The following CNTNAP4 variants were observed in gnomAD, a reference collection of about 807,000 sequenced individuals.
The protein encoded by CNTNAP4 is contactin-associated protein-like 4.
In CNTNAP4, 98 loss-of-function variants were observed where a neutral mutation model predicts 148.4. That is an observed-to-expected ratio of 0.66 (90% confidence interval 0.56 to 0.78). The LOEUF (loss-of-function observed/expected upper bound fraction) is 0.78. Ranked by LOEUF, CNTNAP4 falls within the 30% of genes least tolerant of loss-of-function variation. The pLI, the probability that CNTNAP4 is intolerant of heterozygous loss-of-function variation, is 0.00. For missense variants in CNTNAP4, 1,935 were observed against 1,565.6 expected (o/e 1.24, Z -3.98); for synonymous variants, 730 against 565.1 (o/e 1.29, Z -4.14).
intron 1 of CNTNAP4, among the ~76,000 whole-genome samples, chr16:76,313,363 C>G (rs949542602): frequency 6.6e-6 from 1 of 152,156 alleles, no homozygotes; most frequent in Non-Finnish European, 1.5e-5. Flanking sequence ...ATTCCTAGTT[C>G]TAGTAAACAC....
At chr16:76,494,367 A>G (rs983547544) in intron 13 of CNTNAP4, among the ~76,000 whole-genome samples, 3 of 152,304 alleles carry the variant, frequency 2.0e-5, no homozygotes, top group African/African-American at 7.2e-5. Context: ...TAAAATATAT[A>G]CTTCCAAATA....
At chr16:76,421,202 G>T (rs1238687402) in intron 3 of CNTNAP4, among the ~76,000 whole-genome samples, 2 of 151,680 alleles carry the variant, frequency 1.3e-5, no homozygotes, top group African/African-American at 4.8e-5. Flanking sequence ...TTGCACAAGG[G>T]GTCTCATCAA....
At chr16:76,504,839 A>G (rs2082783213) in intron 15 of CNTNAP4, among the ~76,000 whole-genome samples, 1 of 152,214 alleles carries the variant, frequency 6.6e-6, no homozygotes, top group Non-Finnish European at 1.5e-5. Context: ...ATGGATTTAA[A>G]TAAACACAGT....
intron 12 of CNTNAP4, among the ~76,000 whole-genome samples, chr16:76,488,442 G>A (rs1055432850): frequency 1.3e-5 from 2 of 152,168 alleles, no homozygotes; most frequent in Non-Finnish European, 2.9e-5. Flanking sequence ...ATAATTCTGT[G>A]AAGTTGGTCC....
At chr16:76,417,939 G>C (rs1223814200) in intron 3 of CNTNAP4, among the ~76,000 whole-genome samples, 1 of 151,512 alleles carries the variant, frequency 6.6e-6, no homozygotes, top group Middle Eastern at 3.2e-3. Flanking sequence ...TTGCTTGCTT[G>C]TTTTCTGATG....
At chr16:76,525,224 C>T (rs186009353) in intron 17 of CNTNAP4, among the ~76,000 whole-genome samples, 73 of 151,708 alleles carry the variant, frequency 4.8e-4, no homozygotes, top group African/African-American at 1.7e-3. Context: ...TAGGCAGACT[C>T]AGTGAAAGAC....
intron 15 of CNTNAP4, among the ~76,000 whole-genome samples, chr16:76,510,519 A>C (rs1265646593): frequency 6.6e-6 from 1 of 151,388 alleles, no homozygotes; most frequent in Non-Finnish European, 1.5e-5. Flanking sequence ...TGTACCTAGG[A>C]GTAGAATTTC....
rs751673315 is a variant in CNTNAP4 at position 76,535,546 on chromosome 16, T to G, written c.2757T>G (p.Gly919=). Residue 919 remains glycine (G), a splice_region_variant and synonymous_variant, in exon 18 of 24, where the codon GGT becomes GGG. Coordinates refer to ENST00000611870, the MANE Select transcript of CNTNAP4 (RefSeq NM_033401.5). ...CCATTTGCAGTATTTCCCTTTTAGG[T>G]GGAACGGCCACCAGACAGAGAGGCT... is the stretch of plus-strand genomic sequence containing the variant. ...LLQLNSQLFV[G]GTATRQRGFL... 6.2e-7 allele frequency: 1 copy of G among 1,611,894 alleles called. No individual in the cohort carries two copies. The highest frequency in any genetic ancestry group is 1.1e-5 in the South Asian group (1 of 90,984).
chr16:76,462,603 A>AC (rs2081019329), intron 9 of CNTNAP4, among the ~76,000 whole-genome samples: 1 of 152,198 alleles, frequency 6.6e-6, no homozygotes, highest in Non-Finnish European at 1.5e-5. Context: ...ACATTTGATG[A>AC]AATCAGGGCA....
chr16:76,323,463 A>G (rs1962642284), intron 2 of CNTNAP4, among the ~76,000 whole-genome samples: 1 of 152,178 alleles, frequency 6.6e-6, no homozygotes, highest in Admixed American at 6.5e-5. Context: ...ACCAGCCTTG[A>G]GAAGGTGAAA....
chr16:76,419,154 T>C (rs1319465835), intron 3 of CNTNAP4, among the ~76,000 whole-genome samples: 1 of 151,976 alleles, frequency 6.6e-6, no homozygotes, highest in East Asian at 1.9e-4. Context: ...TATAGCTTTT[T>C]TCCCTCCTGC....
chr16:76,550,518 G>A (rs913222155), intron 21 of CNTNAP4, among the ~76,000 whole-genome samples: 2 of 152,090 alleles, frequency 1.3e-5, no homozygotes, highest in Admixed American at 6.5e-5. Context: ...GTCTGGTGGG[G>A]TGGGGCTGAA....
intron 11 of CNTNAP4, 93 bp from the exon 12 acceptor site, chr16:76,479,326 T>C: frequency 8.4e-7 from 1 of 1,190,322 alleles, no homozygotes; most frequent in East Asian, 2.6e-5. Context: ...ATGTACATTT[T>C]AAATTTCAAG....
intron 10 of CNTNAP4, among the ~76,000 whole-genome samples, chr16:76,467,786 A>G (rs905086610): frequency 2.6e-5 from 4 of 152,218 alleles, no homozygotes; most frequent in African/African-American, 9.6e-5. Context: ...GATAATGTTG[A>G]TGCTGCTATA....
chr16:76,427,370 A>C, intron 3 of CNTNAP4, 82 bp from the exon 4 acceptor site: 1 of 1,179,572 alleles, frequency 8.5e-7, no homozygotes, highest in Non-Finnish European at 1.2e-6. Flanking sequence ...CAGATCACAC[A>C]TTGCTAATAG....
In CNTNAP4 at chr16:76,322,162, G is replaced by A. The variant is rs533982960; in HGVS notation, c.196+5639G>A. On this transcript the variant is annotated intron_variant, in intron 2 of 23. Coordinates refer to ENST00000611870, the MANE Select transcript of CNTNAP4 (RefSeq NM_033401.5). ...ATGCCTTTGGCAACTGAAGAATTAC[G>A]TGAATTGCAAGAGTCCCCTGCCTTC... is the stretch of plus-strand genomic sequence containing the variant. Among the ~76,000 whole-genome samples, 288 of 152,278 alleles carry A rather than the reference G, an allele frequency of 1.9e-3. 1 individual carries two copies. The highest frequency in any genetic ancestry group is 0.017 in the Middle Eastern group (5 of 294).
chr16:76,373,911 A>AAG (rs1597356836), intron 3 of CNTNAP4, among the ~76,000 whole-genome samples: 2 of 151,664 alleles, frequency 1.3e-5, no homozygotes, highest in Non-Finnish European at 1.5e-5. Flanking sequence ...AAAAAAAAAA[A>AAG]AAAGAAAAGG....
chr16:76,456,555 T>C (rs148197590), intron 8 of CNTNAP4, among the ~76,000 whole-genome samples: 238 of 152,270 alleles, frequency 1.6e-3, no homozygotes, highest in African/African-American at 5.5e-3. Flanking sequence ...TTCCCCACCT[T>C]CATTTCATTA....
intron 21 of CNTNAP4, among the ~76,000 whole-genome samples, chr16:76,544,746 G>T (rs919007117): frequency 2.0e-5 from 3 of 152,104 alleles, no homozygotes; most frequent in Non-Finnish European, 4.4e-5. Flanking sequence ...CTGAGAGATT[G>T]TTTTCACTCT....
Sources: gnomAD v4.1 joint callset for allele counts (sites outside exome capture counted in the v4.1 genomes callset) on GRCh38, gnomAD v4.1.1 for gene constraint, MANE v1.5 for transcripts, NCBI Gene and HGNC (gene_info 2026-07-23, HGNC 2026-07-21) for gene names.